The following TCERG1L variants were observed in gnomAD, a reference collection of about 807,000 sequenced individuals.
TCERG1L encodes transcription elongation regulator 1-like protein.
In TCERG1L, 37 loss-of-function variants were observed where a neutral mutation model predicts 56.3. The ratio of observed to expected loss-of-function variants is 0.66; its 90% CI spans 0.51 to 0.87. The LOEUF (loss-of-function observed/expected upper bound fraction) is 0.87. Among genes scored for constraint, TCERG1L ranks in the 40% least tolerant of loss-of-function variants. The probability of loss-of-function intolerance (pLI) is 0.00; values close to 1 mark genes in which losing one functional copy is unlikely to be tolerated. For missense variants in TCERG1L, 799 were observed against 774.2 expected (o/e 1.03, Z -0.38); for synonymous variants, 324 against 326.3 (o/e 0.99, Z 0.08).
intron 4 of TCERG1L, among the ~76,000 whole-genome samples, chr10:131,202,134 C>T (rs1845444290): frequency 6.6e-6 from 1 of 152,134 alleles, no homozygotes; most frequent in South Asian, 2.1e-4. Flanking sequence ...GCATGATCAC[C>T]AGCTGCACGT....
chr10:131,292,482 G>A (rs1846639402), intron 3 of TCERG1L, among the ~76,000 whole-genome samples: 1 of 152,118 alleles, frequency 6.6e-6, no homozygotes, highest in Admixed American at 6.5e-5. Context: ...CTATCTTTAT[G>A]ACTGAGATTT....
intron 9 of TCERG1L, among the ~76,000 whole-genome samples, chr10:131,112,699 G>C (rs1845423364): frequency 7.0e-6 from 1 of 142,182 alleles, no homozygotes; most frequent in African/African-American, 2.5e-5. Flanking sequence ...GATCCCTAAA[G>C]AAACAGTATG....
At chr10:131,214,285 T>TCC (rs1015104745) in intron 4 of TCERG1L, among the ~76,000 whole-genome samples, 3 of 151,954 alleles carry the variant, frequency 2.0e-5, no homozygotes, top group Non-Finnish European at 4.4e-5. Context: ...CAGGGCACAG[T>TCC]CCCCATGGGA....
At chr10:131,150,554 C>G (rs574310568) in intron 6 of TCERG1L, among the ~76,000 whole-genome samples, 2 of 152,190 alleles carry the variant, frequency 1.3e-5, no homozygotes, top group Non-Finnish European at 1.5e-5. Flanking sequence ...TTCCTGAACA[C>G]CCAGGGGTGA....
chr10:131,161,745 C>A (rs991987416), intron 6 of TCERG1L: 3 of 152,142 alleles, frequency 2.0e-5, no homozygotes, highest in African/African-American at 7.2e-5. Flanking sequence ...TTCACTTGGC[C>A]GATGATTTCA....
intron 7 of TCERG1L, among the ~76,000 whole-genome samples, chr10:131,138,196 G>A (rs1028687843): frequency 6.6e-6 from 1 of 152,146 alleles, no homozygotes; most frequent in African/African-American, 2.4e-5. Context: ...TTGAACCCGG[G>A]AGAGTTCAAT....
At chr10:131,244,650 G>T (rs539957993) in intron 4 of TCERG1L, among the ~76,000 whole-genome samples, 1 of 152,262 alleles carries the variant, frequency 6.6e-6, no homozygotes, top group South Asian at 2.1e-4. Flanking sequence ...AACGCCCAGG[G>T]TGCCGTGGAA....
At chr10:131,219,305 G>C (rs1468748659) in intron 4 of TCERG1L, among the ~76,000 whole-genome samples, 1 of 152,204 alleles carries the variant, frequency 6.6e-6, no homozygotes, top group Non-Finnish European at 1.5e-5. Flanking sequence ...CTTGAGCCAG[G>C]CAGGTCCCAT....
intron 3 of TCERG1L, among the ~76,000 whole-genome samples, chr10:131,269,707 A>C (rs1211388830): frequency 1.3e-5 from 2 of 152,354 alleles, no homozygotes; most frequent in African/African-American, 4.8e-5. Context: ...CAGACGTAAC[A>C]ATACTTAAAA....
chr10:131,148,706 C>A lies in TCERG1L; in HGVS notation c.1035-2046G>T, dbSNP rs185831134. The stretch of plus-strand genomic sequence containing the variant: ...GAAAGGAATCACGAGCTCAGGGTTG[C>A]AGGGGCCTCTGGAAGATGGAAAAGG... On this transcript the variant is annotated intron_variant, in intron 6 of 11. Coordinates refer to ENST00000368642, the MANE Select transcript of TCERG1L (RefSeq NM_174937.4). 1.5e-3 allele frequency among the ~76,000 whole-genome samples: 163 copies of A among 107,246 alleles called. 1 individual carries two copies. The highest frequency in any genetic ancestry group is 4.0e-3 in the Admixed American group (37 of 9,218). 70.4% of individuals were successfully genotyped at this position (107,246 alleles called of 152,430 possible).
intron 9 of TCERG1L, among the ~76,000 whole-genome samples, chr10:131,108,932 GCTT>G (rs955469172): frequency 6.6e-6 from 1 of 152,236 alleles, no homozygotes; most frequent in African/African-American, 2.4e-5. Context: ...CAGTGGGGCA[GCTT>G]CTTCAAGCCA....
intron 6 of TCERG1L, among the ~76,000 whole-genome samples, chr10:131,146,924 C>T (rs1845801756): frequency 6.6e-6 from 1 of 152,186 alleles, no homozygotes; most frequent in African/African-American, 2.4e-5. Flanking sequence ...CCAAGCAGCT[C>T]ATCAAGGTCA....
At chr10:131,132,262 T>A (rs1274721278) in intron 8 of TCERG1L, among the ~76,000 whole-genome samples, 1 of 152,108 alleles carries the variant, frequency 6.6e-6, no homozygotes, top group Non-Finnish European at 1.5e-5. Context: ...GGCCCCAGCC[T>A]CCCCGAGAGT....
At chr10:131,139,275 ACTC>A (rs1461551043) in intron 7 of TCERG1L, among the ~76,000 whole-genome samples, 2 of 152,206 alleles carry the variant, frequency 1.3e-5, no homozygotes, top group Non-Finnish European at 2.9e-5. Context: ...TTGCAGAAAC[ACTC>A]CTAAGGTAAA....
In TCERG1L at chr10:131,146,558, G is replaced by T. The variant is rs759265279; in HGVS notation, c.1137C>A (p.Leu379=). 6.2e-7 allele frequency: 1 copy of T among 1,613,838 alleles called. No homozygotes were observed. The highest frequency in any genetic ancestry group is 2.2e-5 in the East Asian group (1 of 44,864). ...GGGGCGGGTCCTCAATGATCCTGTTGAGGTCTCCGCGGTCCTTCAGGTCCA... is the reference window on the plus strand; with the variant it reads ...GGGGCGGGTCCTCAATGATCCTGTTTAGGTCTCCGCGGTCCTTCAGGTCCA... ...KPMDLKDRGD[L]NRIIEDPPHK... is the part of the protein sequence containing the mutation. Residue 379 remains leucine (L), a synonymous_variant, in exon 7 of 12, where the codon CTC becomes CTA. Transcript: ENST00000368642.
chr10:131,290,631 CAAAAA>C (rs3040427), intron 3 of TCERG1L, among the ~76,000 whole-genome samples: 5 of 97,524 alleles, frequency 5.1e-5, no homozygotes, highest in South Asian at 4.3e-4. Flanking sequence ...AACCCCATCT[CAAAAA>C]AAAAAAAAAA....
chr10:131,184,653 A>C (rs919137192), intron 4 of TCERG1L, among the ~76,000 whole-genome samples: 2 of 152,068 alleles, frequency 1.3e-5, no homozygotes, highest in African/African-American at 4.8e-5. Flanking sequence ...CACGATGGAA[A>C]CTCTCCTGCT....
intron 8 of TCERG1L, among the ~76,000 whole-genome samples, chr10:131,130,105 G>T (rs950077990): frequency 3.3e-5 from 5 of 149,696 alleles, no homozygotes; most frequent in African/African-American, 4.9e-5. Context: ...AAAAAAAAAG[G>T]TTGAACGGAT....
chr10:131,158,306 C>T (rs547319536), intron 6 of TCERG1L, among the ~76,000 whole-genome samples: 1 of 152,320 alleles, frequency 6.6e-6, no homozygotes, highest in East Asian at 1.9e-4. Context: ...CAGAAAAATG[C>T]TGGAGGAGTT....
Sources: allele counts gnomAD v4.1 joint callset (sites outside exome capture counted in the v4.1 genomes callset), GRCh38; gene constraint gnomAD v4.1.1; transcripts MANE v1.5; gene names NCBI Gene and HGNC (gene_info 2026-07-23, HGNC 2026-07-21).